TTC21B: variants seen among roughly 807,000 people sequenced by gnomAD.
TTC21B encodes the protein tetratricopeptide repeat protein 21B.
A neutral mutation model predicts 175.1 loss-of-function variants in TTC21B; 127 were observed. The observed-to-expected ratio is 0.73, with a 90% CI of 0.63 to 0.84. The LOEUF is 0.84. Among genes scored for constraint, TTC21B ranks in the 40% least tolerant of loss-of-function variants. The probability of loss-of-function intolerance (pLI) is 0.00; values close to 1 mark genes in which losing one functional copy is unlikely to be tolerated. For missense variants in TTC21B, 1,561 were observed against 1,558.3 expected, an observed-to-expected ratio of 1.00 and a Z score of -0.03; for synonymous variants, 524 against 524.5, an observed-to-expected ratio of 1.00 and a Z score of 0.01.
chr2:165,894,706 T>C (rs1399249912), intron 22 of TTC21B, among the ~76,000 whole-genome samples: 1 of 152,152 alleles, frequency 6.6e-6, no homozygotes, highest in Non-Finnish European at 1.5e-5. Context: ...TTAATTGACT[T>C]GGTGTTTTAC....
At chr2:165,887,850 T>C (rs1244500172) in intron 25 of TTC21B, among the ~76,000 whole-genome samples, 1 of 152,192 alleles carries the variant, frequency 6.6e-6, no homozygotes, top group Admixed American at 6.5e-5. Flanking sequence ...TTATAAGCTA[T>C]CAGTATTGAT....
chr2:165,897,759 G>A (rs1219973490), intron 22 of TTC21B, among the ~76,000 whole-genome samples: 1 of 152,156 alleles, frequency 6.6e-6, no homozygotes, highest in Non-Finnish European at 1.5e-5. Flanking sequence ...ATATTTAAAC[G>A]TCATACAGAG....
chr2:165,885,754 AG>A (rs1417058602), intron 25 of TTC21B, among the ~76,000 whole-genome samples: 1 of 152,218 alleles, frequency 6.6e-6, no homozygotes, highest in Non-Finnish European at 1.5e-5. Context: ...ATTACTCCTG[AG>A]TGAACTGAAG....
At chr2:165,953,563 C>T (rs1687825523) in intron 1 of TTC21B, 122 bp downstream of exon 1, 2 of 1,476,102 alleles carry the variant, frequency 1.4e-6, no homozygotes, top group African/African-American at 2.8e-5. Context: ...GCAGCCGGGG[C>T]ACCGCAGGGA....
intron 27 of TTC21B, among the ~76,000 whole-genome samples, chr2:165,878,942 A>C (rs569342996): frequency 6.6e-6 from 1 of 152,090 alleles, no homozygotes; most frequent in Admixed American, 6.5e-5. Context: ...TCGGCCTCCC[A>C]AAGTGTTGGG....
rs1439517944 is a variant in TTC21B at position 165,945,595 on chromosome 2, G to A, written c.358C>T (p.His120Tyr). 3.1e-6 allele frequency: 5 copies of A among 1,613,726 alleles called. No homozygotes were observed. Among genetic ancestry groups the A allele is most frequent in the East Asian group, 2.2e-5 (1 of 44,802 alleles). The change falls in exon 4 of 29, where the codon CAC becomes TAC. Residue 120 changes from histidine to tyrosine, a missense_variant. Transcript: ENST00000243344. ...ALYHAGLFLW[H>Y]IGRHDKAREY... ...CTTGCTTTATCATGGCGACCAATGT[G>A]CCATAAAAATAAGCCTGCATGGTAT...
At chr2:165,935,505 G>A (rs903622565) in intron 6 of TTC21B, among the ~76,000 whole-genome samples, 16 of 151,970 alleles carry the variant, frequency 1.1e-4, no homozygotes, top group African/African-American at 3.9e-4. Context: ...AAAATGATTA[G>A]GGAAAGGAAG....
chr2:165,949,705 C>G lies in TTC21B; in HGVS notation c.41G>C (p.Cys14Ser), dbSNP rs772444230. The G allele has an allele frequency of 1.9e-5, 31 of 1,611,522 alleles. No homozygotes were observed. Among genetic ancestry groups the G allele is most frequent in the South Asian group, 8.8e-5 (8 of 91,020 alleles). The change falls in exon 2 of 29, where the codon TGT becomes TCT. Residue 14 changes from cysteine (C) to serine (S), a missense_variant. Cys to Ser is a moderately radical substitution (Grantham distance 112). Transcript: ENST00000243344. Reference sequence around the variant, plus strand: ...TACATGATGGAAATATCTCTCTTGACAATAGTAATTAATCAAAGTCTAAAT... The same window carrying G: ...TACATGATGGAAATATCTCTCTTGAGAATAGTAATTAATCAAAGTCTAAAT... The part of the protein sequence containing the change: ...QELKTLINYY[C>S]QERYFHHVLL...
intron 6 of TTC21B, chr2:165,934,723 C>T (rs1307217434): frequency 7.9e-6 from 1 of 126,796 alleles, no homozygotes; most frequent in Non-Finnish European, 1.6e-5. Flanking sequence ...AATGAGATAC[C>T]TCTCTTTCAG....
At chr2:165,952,968 A>C (rs1687805531) in intron 1 of TTC21B, among the ~76,000 whole-genome samples, 1 of 152,244 alleles carries the variant, frequency 6.6e-6, no homozygotes, top group Non-Finnish European at 1.5e-5. Context: ...CCCAGCATTA[A>C]TTAGCCTGTA....
rs753414070 is a variant in TTC21B at position 165,898,746 on chromosome 2, T to C, written c.2890A>G (p.Arg964Gly). Residue 964 changes from arginine to glycine, a missense_variant, in exon 22 of 29, where the codon AGA (arginine) becomes GGA (glycine). Arg to Gly is a moderately radical substitution (Grantham distance 125, BLOSUM62 -2). Coordinates refer to ENST00000243344, the MANE Select transcript of TTC21B (RefSeq NM_024753.5). ...ACTGCTTGTTCATAGTCTTGTTTTC[T>C]GAACATGAGATCAGCCATCATCTAT... Reference protein sequence around the residue: ...ATMMMADLMFRKQDYEQAVFH... With the variant: ...ATMMMADLMFGKQDYEQAVFH... 12 of 1,613,080 alleles carry C rather than the reference T, an allele frequency of 7.4e-6. No individual in the cohort carries two copies. Among genetic ancestry groups the C allele is most frequent in the East Asian group, 4.5e-5 (2 of 44,856 alleles).
intron 3 of TTC21B, chr2:165,947,135 G>A (rs554501160): frequency 3.3e-4 from 38 of 115,308 alleles, no homozygotes; most frequent in African/African-American, 1.4e-3. Flanking sequence ...CTTACATTAA[G>A]TCTATACACT....
Position 165,912,639 on chromosome 2 carries a change from C to A in TTC21B, c.2212-15G>T. On this transcript the variant is annotated splice_polypyrimidine_tract_variant and intron_variant, in intron 16 of 28. Coordinates refer to ENST00000243344, the MANE Select transcript of TTC21B (RefSeq NM_024753.5). ...GCTTCTTCAGGCTAATATTGCCAGACACAAAAAATAAGCAATAAAAAATAG... is the reference window on the plus strand; with the variant it reads ...GCTTCTTCAGGCTAATATTGCCAGAAACAAAAAATAAGCAATAAAAAATAG... 6.3e-7 allele frequency: 1 copy of A among 1,599,948 alleles called. No individual in the cohort carries two copies. The highest frequency in any genetic ancestry group is 1.7e-4 in the Middle Eastern group (1 of 6,026).
chr2:165,924,799 A>C (rs1686566881), intron 11 of TTC21B, 121 bp from the exon 12 acceptor site: 1 of 1,107,408 alleles, frequency 9.0e-7, no homozygotes. Context: ...AATTTCTTTG[A>C]TTTAACTTAT....
chr2:165,904,962 G>C (rs937022714), intron 19 of TTC21B, among the ~76,000 whole-genome samples: 3 of 152,080 alleles, frequency 2.0e-5, no homozygotes, highest in African/African-American at 7.2e-5. Flanking sequence ...TCAGAAGTAA[G>C]CTGCAAAATC....
rs1458251316 is a variant in TTC21B, at chr2:165,941,099, G to T, written c.638C>A (p.Pro213His). ...QIIVNFPSFL[P>H]AFVKKMKLQL... ...TAATTTCATTTTCTTAACAAAAGCAGGAAGGAAGCTCGGAAAATTCACGAT... is the reference window on the plus strand; with the variant it reads ...TAATTTCATTTTCTTAACAAAAGCATGAAGGAAGCTCGGAAAATTCACGAT... The change falls in exon 6 of 29, where the codon CCT becomes CAT. Residue 213 changes from proline to histidine, a missense_variant. Transcript: ENST00000243344. 6.2e-7 allele frequency: 1 copy of T among 1,613,928 alleles called. No individual in the cohort carries two copies. The highest frequency in any genetic ancestry group is 8.5e-7 in the Non-Finnish European group (1 of 1,179,882).
At chr2:165,921,553 G>A (rs1049786877) in intron 12 of TTC21B, among the ~76,000 whole-genome samples, 2 of 152,126 alleles carry the variant, frequency 1.3e-5, no homozygotes, top group African/African-American at 4.8e-5. Context: ...TAATGAAACT[G>A]AGGGACCTCC....
At chr2:165,940,620 C>T (rs539893581) in intron 6 of TTC21B, among the ~76,000 whole-genome samples, 16 of 152,278 alleles carry the variant, frequency 1.1e-4, no homozygotes, top group African/African-American at 3.4e-4. Flanking sequence ...GCTCAAAGGT[C>T]TCAGCCTTCC....
At chr2:165,891,087 A>G in intron 22 of TTC21B, 99 bp from the exon 23 acceptor site, 1 of 1,055,504 alleles carries the variant, frequency 9.5e-7, no homozygotes, top group Non-Finnish European at 1.4e-6. Context: ...CTTCATATAA[A>G]GTACATTTTA....
Sources: gnomAD v4.1 joint callset for allele counts (sites outside exome capture counted in the v4.1 genomes callset) on GRCh38, gnomAD v4.1.1 for gene constraint, MANE v1.5 for transcripts, NCBI Gene and HGNC (gene_info 2026-07-23, HGNC 2026-07-21) for gene names.